The following FNIP2 variants were observed in gnomAD, a reference collection of about 807,000 sequenced individuals.
The protein encoded by FNIP2 is folliculin interacting protein 2.
Under a neutral mutation model 108.7 loss-of-function variants are expected in FNIP2, and 32 were observed. The observed-to-expected ratio is 0.29, with a 90% CI of 0.22 to 0.40. The LOEUF (loss-of-function observed/expected upper bound fraction) is 0.40, where lower values mean the gene tolerates loss of function less well. Ranked by LOEUF, FNIP2 falls within the 10% of genes least tolerant of loss-of-function variation. The pLI is 1.00. For missense variants in FNIP2, 1,202 were observed against 1,381.6 expected, an observed-to-expected ratio of 0.87 and a Z score of 2.06; for synonymous variants, 480 against 496.7, an observed-to-expected ratio of 0.97 and a Z score of 0.45.
chr4:158,902,770 A>G (rs571773487), intron 16 of FNIP2, among the ~76,000 whole-genome samples: 16 of 152,296 alleles, frequency 1.1e-4, no homozygotes, highest in Middle Eastern at 3.4e-3. Flanking sequence ...ACTTCCAGGC[A>G]GCTTTGTTTA....
intron 14 of FNIP2, among the ~76,000 whole-genome samples, chr4:158,875,178 A>AG (rs1204623678): frequency 1.3e-5 from 2 of 152,012 alleles, no homozygotes; most frequent in African/African-American, 2.4e-5. Context: ...TGTCAATCCC[A>AG]GGGGACTACT....
chr4:158,819,576 G>A (rs1578861678), intron 1 of FNIP2, among the ~76,000 whole-genome samples: 1 of 152,308 alleles, frequency 6.6e-6, no homozygotes, highest in East Asian at 1.9e-4. Context: ...GCAAAATAGG[G>A]GAAGAAAGGA....
At chr4:158,863,461 G>T (rs892347397) in intron 12 of FNIP2, among the ~76,000 whole-genome samples, 1 of 152,134 alleles carries the variant, frequency 6.6e-6, no homozygotes, top group Non-Finnish European at 1.5e-5. Flanking sequence ...GCCACTGTGC[G>T]TTCCCCCTCC....
chr4:158,888,505 T>G (rs1578985060), intron 14 of FNIP2, among the ~76,000 whole-genome samples: 1 of 152,226 alleles, frequency 6.6e-6, no homozygotes, highest in Admixed American at 6.5e-5. Context: ...TTTCAAGGAA[T>G]GGACTCCCGC....
At chr4:158,822,718 G>A (rs1777951781) in intron 1 of FNIP2, among the ~76,000 whole-genome samples, 1 of 151,984 alleles carries the variant, frequency 6.6e-6, no homozygotes, top group African/African-American at 2.4e-5. Context: ...AGTCTTGTCT[G>A]GAATTCCTGG....
chr4:158,822,272 A>C (rs1225298293), intron 1 of FNIP2, among the ~76,000 whole-genome samples: 1 of 146,848 alleles, frequency 6.8e-6, no homozygotes. Flanking sequence ...CGACTTCCCG[A>C]GCTCAGGTGA....
At chr4:158,889,979 A>G in intron 14 of FNIP2, 2 of 985,358 alleles carry the variant, frequency 2.0e-6, no homozygotes, top group Non-Finnish European at 2.4e-6. Flanking sequence ...ATGTGTAAGA[A>G]GCGTAGGGGT....
chr4:158,881,552 CTGAT>C (rs1781632304), intron 14 of FNIP2, among the ~76,000 whole-genome samples: 1 of 14,890 alleles, frequency 6.7e-5, no homozygotes, highest in African/African-American at 6.2e-4. Context: ...AGCTCCCTGC[CTGAT>C]TCTCCTGCCT....
rs1409320326 is a variant in FNIP2 at position 158,891,493 on chromosome 4, A to G, written c.2997A>G (p.Ala999=). The part of the protein sequence containing the change: ...EPIAEAVCII[A]DTDKWSVQVA... ...TAGCTGAAGCTGTCTGTATTATCGC[A>G]GACACGGATAAATGGAGTGTGCAGG... Residue 999 remains alanine, a synonymous_variant, in exon 15 of 17, where the codon GCA becomes GCG. Coordinates refer to ENST00000264433, the MANE Select transcript of FNIP2 (RefSeq NM_020840.3). 7.5e-6 allele frequency: 12 copies of G among 1,608,608 alleles called. No individual in the cohort carries two copies. The highest frequency in any genetic ancestry group is 1.0e-5 in the Non-Finnish European group (12 of 1,177,474).
intron 1 of FNIP2, among the ~76,000 whole-genome samples, chr4:158,803,829 G>C (rs749076849): frequency 6.6e-6 from 1 of 152,202 alleles, no homozygotes; most frequent in African/African-American, 2.4e-5. Context: ...ACGAGGGAAA[G>C]GGAGAAATGG....
chr4:158,884,760 G>C (rs951261494), intron 14 of FNIP2, among the ~76,000 whole-genome samples: 1 of 152,134 alleles, frequency 6.6e-6, no homozygotes, highest in Admixed American at 6.6e-5. Context: ...TACAATCATG[G>C]CGGAAGGTGA....
At chr4:158,884,695 G>T (rs1289827885) in intron 14 of FNIP2, among the ~76,000 whole-genome samples, 1 of 152,140 alleles carries the variant, frequency 6.6e-6, no homozygotes, top group Non-Finnish European at 1.5e-5. Flanking sequence ...ATTTATAAAG[G>T]AAAGAGGTTT....
At chr4:158,853,880 A>G (rs1280716216) in intron 8 of FNIP2, among the ~76,000 whole-genome samples, 2 of 152,136 alleles carry the variant, frequency 1.3e-5, no homozygotes, top group East Asian at 3.8e-4. Context: ...ACAAGAAACT[A>G]AAAATGTTCT....
chr4:158,869,503 GTTAGCCACTA>G (rs750122285), intron 13 of FNIP2, 75 bp downstream of exon 13: 3 of 1,458,336 alleles, frequency 2.1e-6, no homozygotes, highest in Non-Finnish European at 2.7e-6. Flanking sequence ...CTGTGATGTT[GTTAGCCACTA>G]CTATTGTCTG....
At chr4:158,788,277 C>G (rs1776288335) in intron 1 of FNIP2, among the ~76,000 whole-genome samples, 1 of 152,244 alleles carries the variant, frequency 6.6e-6, no homozygotes, top group Non-Finnish European at 1.5e-5. Flanking sequence ...ACTGAGCACT[C>G]TGTCCCCCTG....
In FNIP2 at chr4:158,861,719, C is replaced by T; in HGVS notation, c.1408C>T (p.Gln470Ter). 6.2e-7 allele frequency: 1 copy of T among 1,614,050 alleles called. No homozygotes were observed. Among genetic ancestry groups the T allele is most frequent in the Non-Finnish European group, 8.5e-7 (1 of 1,179,906 alleles). The change falls in exon 12 of 17, where the codon CAG becomes TAG. Residue 470 changes from glutamine (Q) to a stop codon, truncating the protein, a stop_gained. Transcript: ENST00000264433. LOFTEE classifies it high-confidence loss of function. The stretch of plus-strand genomic sequence containing the variant: ...AGCCTTCTCAGAGAAACGTACCTCC[C>T]AGTCAGTGAACATGCTGGCCAAAAC... ...IKAFSEKRTS[Q>*]SVNMLAKTHP... is the part of the protein sequence containing the mutation.
chr4:158,862,825 T>C (rs926780177), intron 12 of FNIP2, among the ~76,000 whole-genome samples: 5 of 152,168 alleles, frequency 3.3e-5, no homozygotes, highest in Admixed American at 6.5e-5. Context: ...AAACTTAGTC[T>C]CATTAAGTGG....
chr4:158,833,755 TG>T (rs1560787166), intron 6 of FNIP2, 127 bp downstream of exon 6: 1 of 1,480,274 alleles, frequency 6.8e-7, no homozygotes, highest in Non-Finnish European at 9.2e-7. Flanking sequence ...TTATTTTTTT[TG>T]TATGTGTACT....
At chr4:158,776,547 A>G (rs4330315) in intron 1 of FNIP2, among the ~76,000 whole-genome samples, 11,020 of 152,322 alleles carry the variant, frequency 0.072, 585 homozygotes, top group African/African-American at 0.15. Context: ...TTCATTAGCT[A>G]TCCTCATTTA....
Sources: allele counts gnomAD v4.1 joint callset (sites outside exome capture counted in the v4.1 genomes callset), GRCh38; gene constraint gnomAD v4.1.1; transcripts MANE v1.5; gene names NCBI Gene and HGNC (gene_info 2026-07-23, HGNC 2026-07-21).